GPM6B: variants seen among roughly 807,000 people sequenced by gnomAD.
GPM6B encodes neuronal membrane glycoprotein M6-b.
In GPM6B, 4 loss-of-function variants were observed where a neutral mutation model predicts 27.2. The ratio of observed to expected loss-of-function variants is 0.15; its 90% confidence interval spans 0.07 to 0.34. GPM6B has a LOEUF of 0.34. Among genes scored for constraint, GPM6B ranks in the 10% least tolerant of loss-of-function variants. GPM6B has a pLI of 1.00. For missense variants in GPM6B, 183 were observed against 261.9 expected (o/e 0.70, Z 2.08); for synonymous variants, 124 against 103.1 (o/e 1.20, Z -1.23).
intron 2 of GPM6B, among the ~76,000 whole-genome samples, chrX:13,789,516 C>T (rs1401113189): frequency 1.8e-5 from 2 of 111,731 alleles, no homozygotes; most frequent in Non-Finnish European, 3.8e-5. Flanking sequence ...TGGCTCACGC[C>T]TGTAATCCCA....
intron 1 of GPM6B, 57 bp from the exon 2 acceptor site, chrX:13,807,826 T>G: frequency 1.9e-6 from 2 of 1,066,434 alleles, no homozygotes; most frequent in Non-Finnish European, 2.5e-6. Context: ...AGATTCTATA[T>G]CAGCATTTTT....
chrX:13,922,506 G>A (rs1920992739), intron 1 of GPM6B, among the ~76,000 whole-genome samples: 2 of 112,083 alleles, frequency 1.8e-5, no homozygotes, highest in Admixed American at 9.4e-5. Flanking sequence ...GTAGGTACAC[G>A]AGGGAGAGAC....
intron 1 of GPM6B, among the ~76,000 whole-genome samples, chrX:13,865,460 G>T (rs149406275): frequency 1.0e-5 from 1 of 99,377 alleles, no homozygotes; most frequent in African/African-American, 3.7e-5. Flanking sequence ...AGCCAGGCAC[G>T]GTGGTTCATG....
chrX:13,821,147 G>A (rs2049302274), upstream of GPM6B, among the ~76,000 whole-genome samples: 1 of 111,390 alleles, frequency 9.0e-6, no homozygotes, highest in African/African-American at 3.3e-5. Context: ...AATAGCCTTT[G>A]GAACTTCTGT....
At chrX:13,823,265 G>A (rs1703187779) in intron 1 of GPM6B, among the ~76,000 whole-genome samples, 2 of 112,265 alleles carry the variant, frequency 1.8e-5, no homozygotes, top group Admixed American at 1.9e-4. Flanking sequence ...CATTGCTAGT[G>A]TTTCTCTTTA....
At chrX:13,822,247 C>A (rs1188343508), upstream of GPM6B, among the ~76,000 whole-genome samples, 1 of 111,628 alleles carries the variant, frequency 9.0e-6, no homozygotes, top group Non-Finnish European at 1.9e-5. Context: ...AAGCTCTACA[C>A]CTCCCTCAAC....
intron 1 of GPM6B, among the ~76,000 whole-genome samples, chrX:13,872,816 A>G (rs1036802583): frequency 9.9e-5 from 11 of 111,370 alleles, no homozygotes; most frequent in Admixed American, 1.9e-4. Flanking sequence ...AGGGAGTAGC[A>G]ACTGAACATG....
intron 1 of GPM6B, among the ~76,000 whole-genome samples, chrX:13,841,829 C>G (rs2049579549): frequency 9.0e-6 from 1 of 111,708 alleles, no homozygotes; most frequent in African/African-American, 3.3e-5. Context: ...GCTGGACTCT[C>G]TGCCATGCTC....
chrX:13,928,958 A>C (rs1441541943), intron 1 of GPM6B, among the ~76,000 whole-genome samples: 1 of 111,788 alleles, frequency 8.9e-6, no homozygotes, highest in Non-Finnish European at 1.9e-5. Context: ...TAGAAAACGG[A>C]TCTCTAAACA....
At chrX:13,847,085 G>A (rs1406354580) in intron 1 of GPM6B, among the ~76,000 whole-genome samples, 1 of 110,513 alleles carries the variant, frequency 9.0e-6, no homozygotes, top group Non-Finnish European at 1.9e-5. Flanking sequence ...ATATAAACAT[G>A]GTATTATAAA....
intron 1 of GPM6B, among the ~76,000 whole-genome samples, chrX:13,926,054 C>CAAAAAAAAAAAAAA (rs772441542): frequency 1.5e-4 from 15 of 99,205 alleles, no homozygotes; most frequent in African/African-American, 5.3e-4. Context: ...GACTCCATCT[C>CAAAAAAAAAAAAAA]AAAAAAAAAA....
intron 1 of GPM6B, among the ~76,000 whole-genome samples, chrX:13,844,215 G>C (rs2049616926): frequency 8.9e-6 from 1 of 112,098 alleles, no homozygotes; most frequent in Non-Finnish European, 1.9e-5. Flanking sequence ...ATAAACATAA[G>C]GGTTATTTCT....
chrX:13,794,127 C>A (rs1313601463), intron 2 of GPM6B, among the ~76,000 whole-genome samples: 1 of 110,089 alleles, frequency 9.1e-6, no homozygotes, highest in African/African-American at 3.3e-5. Context: ...ACTATGTGGC[C>A]CTTTAAAGGA....
chrX:13,839,638 T>C (rs191076162), intron 1 of GPM6B, among the ~76,000 whole-genome samples: 1 of 111,387 alleles, frequency 9.0e-6, no homozygotes, highest in East Asian at 2.8e-4. Context: ...CACACCCCTC[T>C]TTCCCTGTTA....
At chrX:13,907,946 T>C (rs1228238671) in intron 1 of GPM6B, among the ~76,000 whole-genome samples, 1 of 111,855 alleles carries the variant, frequency 8.9e-6, no homozygotes, top group Non-Finnish European at 1.9e-5. Flanking sequence ...AGAGCACAAA[T>C]GAGATTAAAG....
intron 1 of GPM6B, among the ~76,000 whole-genome samples, chrX:13,823,471 G>C (rs1381885444): frequency 9.0e-6 from 1 of 110,724 alleles, no homozygotes; most frequent in Non-Finnish European, 1.9e-5. Flanking sequence ...AAGCCAACTT[G>C]AGTTGTAATG....
intron 1 of GPM6B, among the ~76,000 whole-genome samples, chrX:13,905,552 A>G (rs990935221): frequency 1.8e-5 from 2 of 111,906 alleles, no homozygotes; most frequent in African/African-American, 6.5e-5. Flanking sequence ...CAACATGAAG[A>G]TGACCGCCTC....
At chrX:13,857,268 G>T (rs1428670874) in intron 1 of GPM6B, among the ~76,000 whole-genome samples, 1 of 111,541 alleles carries the variant, frequency 9.0e-6, no homozygotes, top group Non-Finnish European at 1.9e-5. Context: ...ACATCTAGGG[G>T]GGCCATTGTT....
At chrX:13,877,160 C>T (rs1009133135) in intron 1 of GPM6B, among the ~76,000 whole-genome samples, 3 of 111,713 alleles carry the variant, frequency 2.7e-5, no homozygotes, top group Non-Finnish European at 5.6e-5. Flanking sequence ...TAGAGCAGCT[C>T]TCAGTCCCAC....
Sources: allele counts gnomAD v4.1 joint callset (sites outside exome capture counted in the v4.1 genomes callset), GRCh38; gene constraint gnomAD v4.1.1; transcripts MANE v1.5; gene names NCBI Gene and HGNC (gene_info 2026-07-23, HGNC 2026-07-21).